RIMS2: variants seen among roughly 807,000 people sequenced by gnomAD.
The protein encoded by RIMS2 is regulating synaptic membrane exocytosis protein 2.
A neutral mutation model predicts 174.4 loss-of-function variants in RIMS2; 59 were observed. The ratio of observed to expected loss-of-function variants is 0.34; its 90% confidence interval spans 0.27 to 0.42. RIMS2 has a LOEUF of 0.42. RIMS2 is among the 10% of genes least tolerant of loss of function. The pLI is 1.00. For missense variants in RIMS2, 1,620 were observed against 1,666.3 expected, an observed-to-expected ratio of 0.97 and a Z score of 0.48; for synonymous variants, 606 against 572.5, an observed-to-expected ratio of 1.06 and a Z score of -0.84.
chr8:103,807,327 T>C (rs2154459988), intron 3 of RIMS2, among the ~76,000 whole-genome samples: 1 of 152,238 alleles, frequency 6.6e-6, no homozygotes, highest in South Asian at 2.1e-4. Context: ...AGATAAGTCA[T>C]GGTAAAAAAA....
At chr8:103,569,413 A>G (rs4734076) in intron 1 of RIMS2, among the ~76,000 whole-genome samples, 9,949 of 152,238 alleles carry the variant, frequency 0.065, 399 homozygotes, top group South Asian at 0.088. Context: ...TTGGATTTCA[A>G]TACTAATTGT....
chr8:104,052,896 T>C (rs979855097), intron 19 of RIMS2, among the ~76,000 whole-genome samples: 1 of 152,074 alleles, frequency 6.6e-6, no homozygotes, highest in Non-Finnish European at 1.5e-5. Flanking sequence ...GGGAAATGCA[T>C]AAATTTGAAA....
chr8:103,607,726 C>T (rs1438369983), intron 1 of RIMS2, among the ~76,000 whole-genome samples: 89 of 136,060 alleles, frequency 6.5e-4, no homozygotes, highest in Admixed American at 1.3e-3. Context: ...CTCTAAACTT[C>T]CCTTCTCACT....
intron 19 of RIMS2, among the ~76,000 whole-genome samples, chr8:104,212,606 A>T (rs993397045): frequency 2.6e-5 from 4 of 151,526 alleles, no homozygotes; most frequent in Admixed American, 1.3e-4. Context: ...CCTGAGTCTC[A>T]CACACACACA....
intron 19 of RIMS2, among the ~76,000 whole-genome samples, chr8:104,028,940 TGCTGCTG>T (rs1436883366): frequency 1.3e-5 from 2 of 152,236 alleles, no homozygotes; most frequent in African/African-American, 4.8e-5. Context: ...CAGAGCAGCC[TGCTGCTG>T]GTTGCCTATT....
At chr8:103,774,703 T>C (rs1175085117) in intron 3 of RIMS2, among the ~76,000 whole-genome samples, 1 of 152,214 alleles carries the variant, frequency 6.6e-6, no homozygotes, top group Non-Finnish European at 1.5e-5. Flanking sequence ...CTTCTATTTA[T>C]ATGAAGGTCA....
At chr8:104,034,875 TTATAG>T (rs903224047) in intron 19 of RIMS2, among the ~76,000 whole-genome samples, 18 of 152,168 alleles carry the variant, frequency 1.2e-4, no homozygotes, top group Non-Finnish European at 2.6e-4. Flanking sequence ...TTATCTTTCC[TTATAG>T]TAATTAGAAA....
intron 14 of RIMS2, among the ~76,000 whole-genome samples, chr8:103,949,144 AAAAG>A (rs2084654880): frequency 7.2e-6 from 1 of 138,414 alleles, no homozygotes; most frequent in Non-Finnish European, 1.6e-5. Context: ...AAAAAAAAAA[AAAAG>A]GGAAAGGGAA....
At chr8:103,922,591 A>C in intron 10 of RIMS2, 1 of 377,524 alleles carries the variant, frequency 2.6e-6, no homozygotes, top group Non-Finnish European at 5.3e-6. Flanking sequence ...GAGTATTAAA[A>C]AGCTGTTTAG....
At chr8:103,531,727 T>C (rs1352774271) in intron 1 of RIMS2, among the ~76,000 whole-genome samples, 1 of 152,250 alleles carries the variant, frequency 6.6e-6, no homozygotes, top group Non-Finnish European at 1.5e-5. Flanking sequence ...AATAAACTAG[T>C]AAATGTTTTA....
At chr8:103,885,934 A>T (rs757523509) in exon 4 of RIMS2, 1 of 1,613,062 alleles carries the variant, frequency 6.2e-7, no homozygotes, top group Non-Finnish European at 8.5e-7. Context: ...CCATAGATAG[A>T]CCAGACTTGA....
chr8:103,699,890 T>A (rs2097149053), intron 2 of RIMS2, among the ~76,000 whole-genome samples: 1 of 152,174 alleles, frequency 6.6e-6, no homozygotes, highest in Non-Finnish European at 1.5e-5. Flanking sequence ...TTCCTAGGGA[T>A]CTTTTTGTTA....
chr8:103,807,285 A>T (rs1026366858), intron 3 of RIMS2, among the ~76,000 whole-genome samples: 2 of 152,146 alleles, frequency 1.3e-5, no homozygotes, highest in African/African-American at 4.8e-5. Context: ...AATGGTTTAA[A>T]AGTCATGGAT....
At chr8:103,571,683 A>T (rs1193100480) in intron 1 of RIMS2, among the ~76,000 whole-genome samples, 1 of 152,172 alleles carries the variant, frequency 6.6e-6, no homozygotes, top group Non-Finnish European at 1.5e-5. Flanking sequence ...GTAAAAAAGA[A>T]CTCACCTTAC....
exon 6 of RIMS2, chr8:103,912,070 A>G: frequency 6.3e-7 from 1 of 1,597,012 alleles, no homozygotes; most frequent in Non-Finnish European, 8.6e-7. Flanking sequence ...TAACCTGGCA[A>G]CCATCTAAAG....
At chr8:103,736,615 C>A (rs538389015) in intron 2 of RIMS2, among the ~76,000 whole-genome samples, 188 of 152,240 alleles carry the variant, frequency 1.2e-3, no homozygotes, top group Non-Finnish European at 2.0e-3. Context: ...AATCTAAAAA[C>A]CATATTTGTC....
chr8:104,218,977 G>C (rs1320869759), intron 19 of RIMS2, among the ~76,000 whole-genome samples: 1 of 152,124 alleles, frequency 6.6e-6, no homozygotes, highest in Non-Finnish European at 1.5e-5. Flanking sequence ...CAACCTTTCT[G>C]AGTATTTACT....
At chr8:104,117,390 CTT>C (rs879749283) in intron 19 of RIMS2, among the ~76,000 whole-genome samples, 2 of 142,962 alleles carry the variant, frequency 1.4e-5, no homozygotes, top group Non-Finnish European at 3.1e-5. Flanking sequence ...AATAAATTTC[CTT>C]TTTTTTTTTT....
intron 21 of RIMS2, among the ~76,000 whole-genome samples, chr8:104,249,076 A>G (rs1430224187): frequency 1.3e-5 from 2 of 150,202 alleles, no homozygotes; most frequent in Admixed American, 6.6e-5. Context: ...CTACAGGCAC[A>G]CGCCACCATA....
Sources: gnomAD v4.1 joint callset for allele counts (sites outside exome capture counted in the v4.1 genomes callset) on GRCh38, gnomAD v4.1.1 for gene constraint, MANE v1.5 for transcripts, NCBI Gene and HGNC (gene_info 2026-07-23, HGNC 2026-07-21) for gene names.